The following SLC16A10 variants were observed in gnomAD, a reference collection of about 807,000 sequenced individuals.
SLC16A10 encodes the protein solute carrier family 16 member 10.
Under a neutral mutation model 40.0 loss-of-function variants are expected in SLC16A10, and 27 were observed. That is an observed-to-expected ratio of 0.67 (90% CI 0.50 to 0.93). The LOEUF (loss-of-function observed/expected upper bound fraction) is 0.93, where lower values mean the gene tolerates loss of function less well. SLC16A10 is among the 40% of genes least tolerant of loss of function. The pLI is 0.00. For synonymous variants in SLC16A10, 213 were observed against 249.8 expected, an observed-to-expected ratio of 0.85 and a Z score of 1.39; for missense variants, 529 against 658.2, an observed-to-expected ratio of 0.80 and a Z score of 2.15.
intron 4 of SLC16A10, among the ~76,000 whole-genome samples, chr6:111,217,001 C>T (rs1376931562): frequency 6.6e-6 from 1 of 152,158 alleles, no homozygotes; most frequent in Non-Finnish European, 1.5e-5. Flanking sequence ...CTCCAGCTTC[C>T]GTAGGTCCGT....
At chr6:111,211,845 C>G (rs1271089010) in intron 4 of SLC16A10, among the ~76,000 whole-genome samples, 4 of 152,208 alleles carry the variant, frequency 2.6e-5, no homozygotes, top group African/African-American at 9.6e-5. Context: ...CTGTTTGTTC[C>G]TTCCTTTTTC....
intron 1 of SLC16A10, among the ~76,000 whole-genome samples, chr6:111,091,537 A>G (rs1018948025): frequency 2.0e-5 from 3 of 152,212 alleles, no homozygotes; most frequent in African/African-American, 4.8e-5. Context: ...GTCTCAAACT[A>G]TATTTCTGAA....
At chr6:111,131,893 A>G (rs1028375500) in intron 1 of SLC16A10, among the ~76,000 whole-genome samples, 8 of 152,172 alleles carry the variant, frequency 5.3e-5, no homozygotes, top group African/African-American at 1.9e-4. Flanking sequence ...CCTGACCACA[A>G]CTTGCTTGAA....
chr6:111,166,957 T>C (rs1772484144), intron 1 of SLC16A10, among the ~76,000 whole-genome samples: 1 of 152,240 alleles, frequency 6.6e-6, no homozygotes, highest in African/African-American at 2.4e-5. Context: ...ATAAGAGTTA[T>C]ACAAGCACAT....
At chr6:111,136,245 A>G (rs73530915) in intron 1 of SLC16A10, among the ~76,000 whole-genome samples, 18,888 of 152,214 alleles carry the variant, frequency 0.12, 1,334 homozygotes, top group Middle Eastern at 0.17. Context: ...TTTTCTTTCT[A>G]TGTCACAGAA....
At chr6:111,191,009 C>T (rs13193227) in intron 3 of SLC16A10, among the ~76,000 whole-genome samples, 18,345 of 152,074 alleles carry the variant, frequency 0.12, 1,194 homozygotes, top group East Asian at 0.24. Flanking sequence ...ATGGGTTTTT[C>T]TTTTTCTTCT....
At chr6:111,201,773 CTGCA>C (rs1428325758) in intron 3 of SLC16A10, among the ~76,000 whole-genome samples, 1 of 152,218 alleles carries the variant, frequency 6.6e-6, no homozygotes, top group Non-Finnish European at 1.5e-5. Context: ...TGTACCACCA[CTGCA>C]CTTCACAGGT....
intron 1 of SLC16A10, among the ~76,000 whole-genome samples, chr6:111,166,511 A>G (rs1772476986): frequency 6.6e-6 from 1 of 151,230 alleles, no homozygotes; most frequent in African/African-American, 2.4e-5. Context: ...ATTTAAGGCT[A>G]TTAGACCAAT....
intron 1 of SLC16A10, among the ~76,000 whole-genome samples, chr6:111,163,828 TAA>T (rs1297378487): frequency 6.6e-6 from 1 of 152,154 alleles, no homozygotes; most frequent in Non-Finnish European, 1.5e-5. Flanking sequence ...TTTAAAAAGG[TAA>T]AAACCTTTAC....
intron 1 of SLC16A10, among the ~76,000 whole-genome samples, chr6:111,128,891 A>C (rs1771729949): frequency 6.8e-6 from 1 of 147,870 alleles, no homozygotes; most frequent in East Asian, 1.9e-4. Context: ...ATTCAAAAAT[A>C]AAACAATTTT....
chr6:111,225,235 T>A lies in SLC16A10; in HGVS notation c.*3000T>A, dbSNP rs1266111415. The A allele has an allele frequency of 6.6e-6, 1 of 152,234 alleles. No homozygotes were observed. Among genetic ancestry groups the A allele is most frequent in the Non-Finnish European group, 1.5e-5 (1 of 68,048 alleles). The allele number at this position is 152,234 out of a possible 1,614,324, so 9.4% of individuals were successfully genotyped here. ...CTGCTACAAGACTTAAAATTTCCAC[T>A]GAAAATTGCATAGTTCTTGTATTAA... On this transcript the variant is annotated 3_prime_UTR_variant, in exon 6 of 6. Transcript: ENST00000368851.
At chr6:111,152,597 A>G (rs1202337033) in intron 1 of SLC16A10, among the ~76,000 whole-genome samples, 2 of 152,260 alleles carry the variant, frequency 1.3e-5, no homozygotes, top group African/African-American at 4.8e-5. Flanking sequence ...CACCTTAATG[A>G]ATCAGGGTTA....
At chr6:111,169,934 T>TTTTG (rs1772553048) in intron 1 of SLC16A10, among the ~76,000 whole-genome samples, 1 of 150,292 alleles carries the variant, frequency 6.7e-6, no homozygotes. Flanking sequence ...TTTTTTTTTT[T>TTTTG]GAGACAGAAT....
chr6:111,172,762 C>T lies in SLC16A10; in HGVS notation c.411C>T (p.Asp137=). 6.2e-7 allele frequency: 1 copy of T among 1,614,164 alleles called. No homozygotes were observed. The highest frequency in any genetic ancestry group is 8.5e-7 in the Non-Finnish European group (1 of 1,180,022). ...GCCCAATAGTCAGCGTCTTCACAGA[C>T]CTATTTGGTTGTCGGAAAACAGCTG... ...FCCPIVSVFT[D]LFGCRKTAVV... Residue 137 remains aspartate, a synonymous_variant, in exon 2 of 6, where the codon GAC becomes GAT. Transcript: ENST00000368851.
intron 1 of SLC16A10, among the ~76,000 whole-genome samples, chr6:111,156,091 A>C (rs1772264777): frequency 6.6e-6 from 1 of 152,258 alleles, no homozygotes; most frequent in East Asian, 1.9e-4. Context: ...GCAATAGCCA[A>C]CAAAATGAAG....
intron 1 of SLC16A10, among the ~76,000 whole-genome samples, chr6:111,161,222 CA>C (rs57463212): frequency 0.12 from 5,185 of 41,794 alleles, 48 homozygotes; most frequent in Admixed American, 0.16. Context: ...GACAGTGTCT[CA>C]AAAAAAAAAA....
intron 3 of SLC16A10, among the ~76,000 whole-genome samples, chr6:111,191,073 G>T (rs1234563428): frequency 6.6e-6 from 1 of 152,180 alleles, no homozygotes; most frequent in Middle Eastern, 3.4e-3. Flanking sequence ...GAACGTGCAG[G>T]TTTGTTACAT....
At chr6:111,095,946 A>G (rs1771066436) in intron 1 of SLC16A10, among the ~76,000 whole-genome samples, 1 of 152,226 alleles carries the variant, frequency 6.6e-6, no homozygotes, top group Non-Finnish European at 1.5e-5. Context: ...ACCATAAAGA[A>G]AAGGCTTTCA....
intron 1 of SLC16A10, among the ~76,000 whole-genome samples, chr6:111,137,044 C>G (rs1382931397): frequency 3.9e-5 from 6 of 152,130 alleles, no homozygotes; most frequent in Admixed American, 3.9e-4. Context: ...TCTTACACTG[C>G]TGTAAGAAAG....
Sources: allele counts gnomAD v4.1 joint callset (sites outside exome capture counted in the v4.1 genomes callset), GRCh38; gene constraint gnomAD v4.1.1; transcripts MANE v1.5; gene names NCBI Gene and HGNC (gene_info 2026-07-23, HGNC 2026-07-21).